Variants in ATP8A2 observed in about 807,000 individuals in gnomAD.
The protein encoded by ATP8A2 is ATPase phospholipid transporting 8A2.
A neutral mutation model predicts 165.6 loss-of-function variants in ATP8A2; 100 were observed. The observed-to-expected ratio is 0.60, with a 90% CI of 0.51 to 0.71. The LOEUF is 0.71. Ranked by LOEUF, ATP8A2 falls within the 30% of genes least tolerant of loss-of-function variation. The probability of loss-of-function intolerance (pLI) is 0.00; values close to 1 mark genes in which losing one functional copy is unlikely to be tolerated. For synonymous variants in ATP8A2, 543 were observed against 548.8 expected (o/e 0.99, Z 0.15); for missense variants, 1,227 against 1,479.5 (o/e 0.83, Z 2.80).
rs144473948 is a variant in ATP8A2, at chr13:25,443,335, T to C, written c.77-25642T>C. ...CCTAGGAAGAAGTATTGCCATCTCC[T>C]TGAGATATGGTGAAGGGTAAACGTG... On this transcript the variant is annotated intron_variant, in intron 1 of 36. Transcript: ENST00000381655. Among the ~76,000 whole-genome samples, 7 of 152,330 alleles carry C rather than the reference T, an allele frequency of 4.6e-5. No homozygotes were observed. In the East Asian group the frequency reaches 1.3e-3, roughly 29 times the overall value.
At chr13:25,390,367 T>G (rs1376443232) in intron 1 of ATP8A2, among the ~76,000 whole-genome samples, 2 of 152,092 alleles carry the variant, frequency 1.3e-5, no homozygotes, top group Admixed American at 1.3e-4. Context: ...CCTTTTGAGG[T>G]GTATAGTATG....
At chr13:25,628,400 G>A (rs1031470659) in intron 24 of ATP8A2, among the ~76,000 whole-genome samples, 2 of 152,128 alleles carry the variant, frequency 1.3e-5, no homozygotes, top group African/African-American at 4.8e-5. Context: ...ATTACTCTGA[G>A]CTTCTCTTTC....
chr13:25,945,402 CGTT>C (rs1955185395), intron 33 of ATP8A2, among the ~76,000 whole-genome samples: 1 of 152,090 alleles, frequency 6.6e-6, no homozygotes, highest in Non-Finnish European at 1.5e-5. Flanking sequence ...GTGGATGTAA[CGTT>C]ATTCATTTCA....
intron 24 of ATP8A2, among the ~76,000 whole-genome samples, chr13:25,632,134 A>T (rs537124902): frequency 6.6e-5 from 10 of 152,296 alleles, no homozygotes; most frequent in Admixed American, 6.5e-4. Context: ...GAACAGCCAG[A>T]TAGAGAGATG....
chr13:25,458,864 C>T (rs934900641), intron 1 of ATP8A2, among the ~76,000 whole-genome samples: 2 of 152,148 alleles, frequency 1.3e-5, no homozygotes, highest in Admixed American at 1.3e-4. Context: ...TCTGGGACCT[C>T]GCTTGGTAGG....
intron 1 of ATP8A2, among the ~76,000 whole-genome samples, chr13:25,435,928 T>TGA (rs60854101): frequency 0.064 from 1,355 of 21,270 alleles, 42 homozygotes; most frequent in African/African-American, 0.13. Context: ...TGTGTGTGTG[T>TGA]GTGAGTGTGT....
At chr13:25,709,724 A>C (rs1435715323) in intron 25 of ATP8A2, among the ~76,000 whole-genome samples, 1 of 152,222 alleles carries the variant, frequency 6.6e-6, no homozygotes, top group Non-Finnish European at 1.5e-5. Context: ...AAAAAAGTAA[A>C]TGTTGAATGA....
chr13:25,927,023 C>T (rs528139347), intron 33 of ATP8A2: 2 of 414,938 alleles, frequency 4.8e-6, no homozygotes, highest in South Asian at 3.4e-5. Flanking sequence ...CGCTCCTTCT[C>T]CTTGCCACTC....
chr13:25,829,444 A>C (rs987432509), intron 28 of ATP8A2, among the ~76,000 whole-genome samples: 1 of 151,822 alleles, frequency 6.6e-6, no homozygotes, highest in African/African-American at 2.4e-5. Flanking sequence ...CTAAGGGGAG[A>C]TCACAGATTG....
chr13:25,392,912 C>A (rs76299106), intron 1 of ATP8A2, among the ~76,000 whole-genome samples: 13 of 147,762 alleles, frequency 8.8e-5, no homozygotes, highest in Non-Finnish European at 1.0e-4. Context: ...CTCATCTCTA[C>A]AAAAAAAAAA....
At chr13:25,728,765 C>T (rs541006179) in intron 25 of ATP8A2, among the ~76,000 whole-genome samples, 14 of 152,242 alleles carry the variant, frequency 9.2e-5, no homozygotes, top group African/African-American at 2.9e-4. Context: ...TTCTGTTTTA[C>T]CCCTGCAGAC....
chr13:25,841,993 ACCT>A (rs2138669572), intron 30 of ATP8A2, among the ~76,000 whole-genome samples: 1 of 151,946 alleles, frequency 6.6e-6, no homozygotes, highest in Non-Finnish European at 1.5e-5. Flanking sequence ...TGACCCAAAC[ACCT>A]CCTATCAGGC....
chr13:25,849,686 C>T (rs1413921666), intron 30 of ATP8A2, among the ~76,000 whole-genome samples: 1 of 152,104 alleles, frequency 6.6e-6, no homozygotes, highest in Non-Finnish European at 1.5e-5. Context: ...ACTATGTTTC[C>T]AGACCTAATT....
intron 1 of ATP8A2, among the ~76,000 whole-genome samples, chr13:25,376,262 A>G (rs80325697): frequency 0.029 from 4,459 of 152,328 alleles, 205 homozygotes; most frequent in African/African-American, 0.098. Context: ...TTGATTCTAT[A>G]TGGTTTTCTC....
At chr13:25,737,146 G>T (rs533114260) in intron 25 of ATP8A2, among the ~76,000 whole-genome samples, 3 of 152,100 alleles carry the variant, frequency 2.0e-5, no homozygotes, top group Non-Finnish European at 4.4e-5. Flanking sequence ...CCTGTGTGTT[G>T]TCCCATTCAG....
chr13:25,954,179 G>A (rs578048437), intron 33 of ATP8A2, among the ~76,000 whole-genome samples: 19 of 152,304 alleles, frequency 1.2e-4, no homozygotes, highest in African/African-American at 2.4e-4. Flanking sequence ...GGGGAGGTGC[G>A]TCCACCATTA....
chr13:25,873,140 C>G (rs1952722779), intron 33 of ATP8A2, among the ~76,000 whole-genome samples: 1 of 152,160 alleles, frequency 6.6e-6, no homozygotes, highest in Non-Finnish European at 1.5e-5. Context: ...CCTCCAGGTT[C>G]CTCCCACACA....
intron 13 of ATP8A2, among the ~76,000 whole-genome samples, chr13:25,556,645 G>A (rs2038990204): frequency 6.6e-6 from 1 of 151,984 alleles, no homozygotes; most frequent in South Asian, 2.1e-4. Context: ...GATTTTTGAG[G>A]ACTAACCTCT....
Position 25,860,820 on chromosome 13 carries a change from T to C in ATP8A2, c.3035T>C (p.Val1012Ala). 1.3e-6 allele frequency: 2 copies of C among 1,597,778 alleles called. No individual in the cohort carries two copies. The highest frequency in any genetic ancestry group is 1.7e-6 in the Non-Finnish European group (2 of 1,170,002). ...TTTTCACAGTATGTTGTTGTTACTGTTTGTCTGAAAGCTGGTTTGGAGACC... is the reference window on the plus strand; with the variant it reads ...TTTTCACAGTATGTTGTTGTTACTGCTTGTCTGAAAGCTGGTTTGGAGACC... ...NIVYTYVVVT[V>A]CLKAGLETTA... The change falls in exon 32 of 37, where the codon GTT becomes GCT. Residue 1012 changes from valine to alanine, a missense_variant. By Grantham distance (64) the Val-to-Ala change is moderately conservative (BLOSUM62 0). This residue lies in a region of ATP8A2 where 260 missense variants were observed against 245.1 expected (regional missense o/e 1.06). Coordinates refer to ENST00000381655, the MANE Select transcript of ATP8A2 (RefSeq NM_016529.6).
Sources: gnomAD v4.1 joint callset for allele counts (sites outside exome capture counted in the v4.1 genomes callset) on GRCh38, gnomAD v4.1.1 for gene constraint, gnomAD v4.1.1 regional missense constraint, MANE v1.5 for transcripts, NCBI Gene and HGNC (gene_info 2026-07-23, HGNC 2026-07-21) for gene names.